RBFOX3: variants seen among roughly 807,000 people sequenced by gnomAD.
The protein encoded by RBFOX3 is RNA binding fox-1 homolog 3.
A neutral mutation model predicts 48.7 loss-of-function variants in RBFOX3; 17 were observed. The ratio of observed to expected loss-of-function variants is 0.35; its 90% confidence interval spans 0.24 to 0.52. The LOEUF (loss-of-function observed/expected upper bound fraction) is 0.52, where lower values mean the gene tolerates loss of function less well. RBFOX3 is among the 20% of genes least tolerant of loss of function. The pLI, the probability that RBFOX3 is intolerant of heterozygous loss-of-function variation, is 0.94. For missense variants in RBFOX3, 382 were observed against 497.5 expected, an observed-to-expected ratio of 0.77 and a Z score of 2.21; for synonymous variants, 212 against 209.5, an observed-to-expected ratio of 1.01 and a Z score of -0.10.
chr17:79,433,203 G>A (rs893929034), intron 2 of RBFOX3, among the ~76,000 whole-genome samples: 7 of 152,164 alleles, frequency 4.6e-5, no homozygotes, highest in Non-Finnish European at 1.0e-4. Flanking sequence ...CACCCCACTC[G>A]CATCCTCTGT....
intron 1 of RBFOX3, among the ~76,000 whole-genome samples, chr17:79,590,708 C>T (rs2093391480): frequency 6.6e-6 from 1 of 152,174 alleles, no homozygotes; most frequent in Admixed American, 6.5e-5. Context: ...AGAGACCAGA[C>T]CTCTTCCCCT....
the RBFOX3 span, among the ~76,000 whole-genome samples, chr17:79,624,659 C>A: frequency 2.0e-5 from 3 of 152,322 alleles, no homozygotes; most frequent in Admixed American, 2.0e-4. Context: ...GGACCTGCTT[C>A]TCTTGTGTCC....
chr17:79,458,506 A>G (rs1598782259), intron 2 of RBFOX3, among the ~76,000 whole-genome samples: 1 of 152,180 alleles, frequency 6.6e-6, no homozygotes, highest in East Asian at 1.9e-4. Flanking sequence ...TTGCCATGTT[A>G]TCACATGTGC....
intron 3 of RBFOX3, among the ~76,000 whole-genome samples, chr17:79,303,851 C>CTGTG (rs34981785): frequency 0.17 from 25,118 of 147,658 alleles, 2,828 homozygotes; most frequent in African/African-American, 0.33. Context: ...GCATGTCTGC[C>CTGTG]TGTGTGTGTG....
At chr17:79,352,840 C>T (rs924347799) in intron 2 of RBFOX3, among the ~76,000 whole-genome samples, 6 of 152,222 alleles carry the variant, frequency 3.9e-5, no homozygotes, top group Non-Finnish European at 7.3e-5. Flanking sequence ...GCAGCCCCAC[C>T]CTGTCTGCAC....
rs1372121041 is a variant in RBFOX3, at chr17:79,115,501, G to A, written c.215C>T (p.Thr72Ile). ...ASTQPIAGTQTVPQTDEAAQT... is the reference protein window; with the variant it reads ...ASTQPIAGTQIVPQTDEAAQT... ...GGTCGTGGGGGCCCTTACCGGCACT[G>A]TCTGGGTCCCGGCGATGGGCTGTGT... Residue 72 changes from threonine (T) to isoleucine (I), a missense_variant, in exon 5 of 15, where the codon ACA (threonine) becomes ATA (isoleucine). By Grantham distance (89) the Thr-to-Ile change is moderately conservative. Coordinates refer to ENST00000693108, the MANE Select transcript of RBFOX3 (RefSeq NM_001350451.2). 3 of 1,336,872 alleles carry A rather than the reference G, an allele frequency of 2.2e-6. No homozygotes were observed. The highest frequency in any genetic ancestry group is 4.3e-5 in the South Asian group (2 of 46,754). 82.8% of individuals were successfully genotyped at this position (1,336,872 alleles called of 1,614,324 possible).
intron 2 of RBFOX3, among the ~76,000 whole-genome samples, chr17:79,359,908 T>C (rs1203978606): frequency 6.6e-6 from 1 of 152,128 alleles, no homozygotes; most frequent in Non-Finnish European, 1.5e-5. Context: ...GTATTATTTG[T>C]AGACAGGGGG....
chr17:79,619,167 C>T, the RBFOX3 span, among the ~76,000 whole-genome samples: 3 of 152,308 alleles, frequency 2.0e-5, no homozygotes, highest in South Asian at 2.1e-4. Context: ...TTTAGCACTC[C>T]AGGAGGGTAG....
chr17:79,663,574 C>G, the RBFOX3 span, among the ~76,000 whole-genome samples: 4 of 152,180 alleles, frequency 2.6e-5, no homozygotes, highest in Non-Finnish European at 5.9e-5. Flanking sequence ...GTTCCTCATT[C>G]TTTGCCACTT....
At chr17:79,244,171 T>G (rs1306491757) in intron 3 of RBFOX3, among the ~76,000 whole-genome samples, 1 of 152,134 alleles carries the variant, frequency 6.6e-6, no homozygotes, top group African/African-American at 2.4e-5. Flanking sequence ...GACTGGGCCC[T>G]ACATCCAATG....
intron 4 of RBFOX3, among the ~76,000 whole-genome samples, chr17:79,174,130 G>C (rs1398516014): frequency 1.3e-5 from 2 of 152,108 alleles, no homozygotes; most frequent in Admixed American, 6.5e-5. Flanking sequence ...CCTGGTGGTG[G>C]GGACCAGGGA....
chr17:79,162,643 T>C (rs1161170759), intron 4 of RBFOX3, among the ~76,000 whole-genome samples: 3 of 152,152 alleles, frequency 2.0e-5, no homozygotes, highest in African/African-American at 4.8e-5. Context: ...ATTAGTTAAA[T>C]GGAGAGGAAG....
In RBFOX3 at chr17:79,292,889, T is replaced by C. The variant is rs140352634; in HGVS notation, c.-74+14835A>G. On this transcript the variant is annotated intron_variant, in intron 3 of 14. Coordinates refer to ENST00000693108, the MANE Select transcript of RBFOX3 (RefSeq NM_001350451.2). ...CAGACTTCGTTTTGGAATTTGGCCT[T>C]TGTTTTGGGAGTTGGTATAAAAGAC... Among the ~76,000 whole-genome samples the C allele has an allele frequency of 7.4e-3, 1,133 of 152,276 alleles. 8 individuals carry two copies. Among genetic ancestry groups the C allele is most frequent in the Non-Finnish European group, 0.011 (736 of 68,012 alleles).
At chr17:79,398,879 C>G (rs1490576729) in intron 2 of RBFOX3, among the ~76,000 whole-genome samples, 3 of 152,170 alleles carry the variant, frequency 2.0e-5, no homozygotes, top group Non-Finnish European at 4.4e-5. Flanking sequence ...AGCGCAAACC[C>G]CTGGTACCTG....
chr17:79,577,103 C>T (rs1284604211), intron 1 of RBFOX3, among the ~76,000 whole-genome samples: 2 of 152,176 alleles, frequency 1.3e-5, no homozygotes, highest in African/African-American at 4.8e-5. Flanking sequence ...ACTCTCCAGA[C>T]CCCCATCCCA....
chr17:79,528,893 G>A (rs1216380955), intron 1 of RBFOX3, among the ~76,000 whole-genome samples: 4 of 152,180 alleles, frequency 2.6e-5, no homozygotes, highest in African/African-American at 9.6e-5. Context: ...GTTGTGACTG[G>A]GACAGTGTCT....
At chr17:79,572,728 G>GGCCA (rs2092722358) in intron 1 of RBFOX3, among the ~76,000 whole-genome samples, 1 of 152,208 alleles carries the variant, frequency 6.6e-6, no homozygotes, top group African/African-American at 2.4e-5. Flanking sequence ...AAACGTGCGT[G>GGCCA]TTTCCCAAGG....
At chr17:79,170,123 GA>G (rs369911778) in intron 4 of RBFOX3, among the ~76,000 whole-genome samples, 1 of 147,428 alleles carries the variant, frequency 6.8e-6, no homozygotes, top group East Asian at 2.0e-4. Flanking sequence ...AGGAAGGAAG[GA>G]AGGAAGGAGG....
At chr17:79,657,300 C>G in the RBFOX3 span, among the ~76,000 whole-genome samples, 7 of 152,160 alleles carry the variant, frequency 4.6e-5, no homozygotes, top group African/African-American at 1.7e-4. Context: ...AGTCCCCCAC[C>G]CCACCCCCAC....
Sources: allele counts gnomAD v4.1 joint callset (sites outside exome capture counted in the v4.1 genomes callset), GRCh38; gene constraint gnomAD v4.1.1; transcripts MANE v1.5; gene names NCBI Gene and HGNC (gene_info 2026-07-23, HGNC 2026-07-21).